LRP1: variants seen among roughly 807,000 people sequenced by gnomAD.
LRP1 encodes the protein prolow-density lipoprotein receptor-related protein 1.
In LRP1, 51 loss-of-function variants were observed where a neutral mutation model predicts 541.5. The ratio of observed to expected loss-of-function variants is 0.09; its 90% CI spans 0.08 to 0.12. The LOEUF is 0.12. Ranked by LOEUF, LRP1 falls within the 10% of genes least tolerant of loss-of-function variation. The pLI, the probability that LRP1 is intolerant of heterozygous loss-of-function variation, is 1.00. For missense variants in LRP1, 3,878 were observed against 6,376.2 expected (o/e 0.61, Z 13.34); for synonymous variants, 2,219 against 2,470.8 (o/e 0.90, Z 3.02).
chr12:57,180,599 C>A, intron 32 of LRP1, 68 bp from the exon 33 acceptor site: 1 of 1,609,400 alleles, frequency 6.2e-7, no homozygotes, highest in Non-Finnish European at 8.5e-7. Flanking sequence ...GACTTAGGGC[C>A]AATGGGCCCT....
intron 31 of LRP1, 28 bp from the exon 32 acceptor site, chr12:57,180,302 T>C (rs1271699206): frequency 6.2e-7 from 1 of 1,611,974 alleles, no homozygotes; most frequent in Non-Finnish European, 8.5e-7. Flanking sequence ...TGGGCCAGAC[T>C]CCCCGGCAGT....
In LRP1 at chr12:57,205,757, A is replaced by G. The variant is rs1012430588; in HGVS notation, c.11590+80A>G. On this transcript the variant is annotated intron_variant, in intron 75 of 88. Transcript: ENST00000243077. The surrounding 1 kb of genome is among the most constrained non-coding windows in gnomAD (Gnocchi z 4.6). ...TCAAACGGGGCCGACTTGGAATGGA[A>G]TGTCTTCCTGCGGACATCTTGCCCA... 1.9e-6 allele frequency: 3 copies of G among 1,569,014 alleles called. No homozygotes were observed. The highest frequency in any genetic ancestry group is 2.7e-5 in the African/African-American group (2 of 74,206).
At chr12:57,138,398 T>A in intron 1 of LRP1, 61 bp from the exon 2 acceptor site, 1 of 1,591,398 alleles carries the variant, frequency 6.3e-7, no homozygotes. Context: ...CTAGGGGACT[T>A]TGGGTTCACA....
rs1435902907 is a variant in LRP1 at position 57,165,605 on chromosome 12, G to C, written c.2531-200G>C. The C allele has an allele frequency of 1.7e-6, 1 of 589,100 alleles. No individual in the cohort carries two copies. Among genetic ancestry groups the C allele is most frequent in the Non-Finnish European group, 3.0e-6 (1 of 333,996 alleles). 36.5% of individuals were successfully genotyped at this position (589,100 alleles called of 1,614,324 possible). Reference sequence around the variant, plus strand: ...ACTGAAGTACAGTAAGCATTAAGTAGAGTAAACATCACTATTGTTGCTTGG... The same window carrying C: ...ACTGAAGTACAGTAAGCATTAAGTACAGTAAACATCACTATTGTTGCTTGG... On this transcript the variant is annotated intron_variant, in intron 15 of 88. Coordinates refer to ENST00000243077, the MANE Select transcript of LRP1 (RefSeq NM_002332.3). This position sits in a 1 kb window ranked among gnomAD's most constrained non-coding sequence, Gnocchi z 4.5.
chr12:57,129,903 C>T (rs1047759491), intron 1 of LRP1, among the ~76,000 whole-genome samples: 7 of 152,024 alleles, frequency 4.6e-5, no homozygotes, highest in Non-Finnish European at 1.5e-5. Flanking sequence ...TATGGCTGTG[C>T]CCCCACACTC....
chr12:57,132,464 C>T (rs2035056760), intron 1 of LRP1, among the ~76,000 whole-genome samples: 1 of 152,250 alleles, frequency 6.6e-6, no homozygotes, highest in East Asian at 1.9e-4. Flanking sequence ...TGCCTAGGGC[C>T]GAGACTCTGT....
intron 1 of LRP1, among the ~76,000 whole-genome samples, chr12:57,135,424 G>A (rs528405672): frequency 5.3e-5 from 8 of 152,302 alleles, no homozygotes; most frequent in African/African-American, 1.4e-4. Flanking sequence ...GTCCTACCCC[G>A]CTCCCAACTC....
chr12:57,201,321 T>C lies in LRP1; in HGVS notation c.10345+168T>C, dbSNP rs2036649550. Among the ~76,000 whole-genome samples the C allele has an allele frequency of 6.6e-6, 1 of 152,148 alleles. No individual in the cohort carries two copies. Among genetic ancestry groups the C allele is most frequent in the Admixed American group, 6.5e-5 (1 of 15,286 alleles). On this transcript the variant is annotated intron_variant, in intron 65 of 88. Coordinates refer to ENST00000243077, the MANE Select transcript of LRP1 (RefSeq NM_002332.3). The surrounding 1 kb of genome is among the most constrained non-coding windows in gnomAD (Gnocchi z 6.4). ...CTCATAAAAATCATCATGCATGATA[T>C]AGAGACATAGAGATCCAGAAAACAA...
At position 57,153,688 on chromosome 12, in the gene LRP1, G is replaced by T. The variant is rs1202971923; in HGVS notation, c.842-520G>T. Among the ~76,000 whole-genome samples the T allele has an allele frequency of 3.3e-5, 5 of 152,248 alleles. No individual in the cohort carries two copies. In the East Asian group the frequency reaches 9.7e-4, roughly 29 times the overall value. On this transcript the variant is annotated intron_variant, in intron 6 of 88. Coordinates refer to ENST00000243077, the MANE Select transcript of LRP1 (RefSeq NM_002332.3). ...GGATCTTCCCTTTGGCATCTCTGTA[G>T]AGTTCATATTTTGAAATACTTTTCT...
In LRP1 at chr12:57,143,700, G is replaced by T. The variant is rs374169041; in HGVS notation, c.350G>T (p.Arg117Leu). 47 of 1,613,886 alleles carry T rather than the reference G, an allele frequency of 2.9e-5. No homozygotes were observed. Among genetic ancestry groups the T allele is most frequent in the Non-Finnish European group, 3.8e-5 (45 of 1,179,908 alleles). ...ACAGAGCTCCAAGGCAACTGCTCTC[G>T]CCTGGGCTGCCAGCACCATTGTGTC... ...HCRELQGNCS[R>L]LGCQHHCVPT... The change falls in exon 4 of 89, where the codon CGC becomes CTC. Residue 117 changes from arginine (R) to leucine (L), a missense_variant. Coordinates refer to ENST00000243077, the MANE Select transcript of LRP1 (RefSeq NM_002332.3).
rs1265015847 is a variant in LRP1, at chr12:57,206,706, C to T, written c.11824C>T (p.Arg3942Trp). 2.5e-6 allele frequency: 4 copies of T among 1,613,246 alleles called. No homozygotes were observed. Among genetic ancestry groups the T allele is most frequent in the Non-Finnish European group, 3.4e-6 (4 of 1,180,028 alleles). Reference protein sequence around the residue: ...AAPPTTSNRHRRQIDRGVTHL... With the variant: ...AAPPTTSNRHWRQIDRGVTHL... Reference sequence around the variant, plus strand: ...GCCTCCTACCACTTCCAACCGCCACCGGCGACAGATTGACCGGGGTGTCAC... The same window carrying T: ...GCCTCCTACCACTTCCAACCGCCACTGGCGACAGATTGACCGGGGTGTCAC... Residue 3942 changes from arginine (R) to tryptophan (W), a missense_variant, in exon 76 of 89, where the codon CGG (arginine) becomes TGG (tryptophan). Coordinates refer to ENST00000243077, the MANE Select transcript of LRP1 (RefSeq NM_002332.3). The surrounding 1 kb of genome is among the most constrained non-coding windows in gnomAD (Gnocchi z 4.7).
Position 57,196,271 on chromosome 12 carries a change from C to T in LRP1, c.8886C>T (p.Gly2962=). ...AGGACTGTGAGGACCTCAAGATCGG[C>T]TTCAAGGTATGCCCAGCCCTGGGGA... ...CSQDCEDLKI[G]FKCRCRPGFR... Residue 2962 remains glycine, a synonymous_variant, in exon 55 of 89, where the codon GGC becomes GGT. Coordinates refer to ENST00000243077, the MANE Select transcript of LRP1 (RefSeq NM_002332.3). 1 of 1,586,116 alleles carries T rather than the reference C, an allele frequency of 6.3e-7. No individual in the cohort carries two copies. The highest frequency in any genetic ancestry group is 8.6e-7 in the Non-Finnish European group (1 of 1,162,002).
chr12:57,198,388 C>A (rs777311193), intron 59 of LRP1, 45 bp downstream of exon 59: 19 of 1,605,232 alleles, frequency 1.2e-5, no homozygotes, highest in Non-Finnish European at 1.4e-5. Flanking sequence ...AAGCAGCATC[C>A]AAGCCCAGCC....
rs932477085 is a variant in LRP1, at chr12:57,173,251, G to A, written c.3247G>A (p.Asp1083Asn). ...ATGCATCCCCCTGCGGTGGCGCTGCGATGGGGACACTGACTGCATGGACTC... is the reference window on the plus strand; with the variant it reads ...ATGCATCCCCCTGCGGTGGCGCTGCAATGGGGACACTGACTGCATGGACTC... ...GLCIPLRWRC[D>N]GDTDCMDSSD... Residue 1083 changes from aspartate to asparagine, a missense_variant, in exon 21 of 89, where the codon GAT becomes AAT. Coordinates refer to ENST00000243077, the MANE Select transcript of LRP1 (RefSeq NM_002332.3). This position sits in a 1 kb window ranked among gnomAD's most constrained non-coding sequence, Gnocchi z 4.7. 1.2e-6 allele frequency: 2 copies of A among 1,614,020 alleles called. No homozygotes were observed. Among genetic ancestry groups the A allele is most frequent in the Non-Finnish European group, 1.7e-6 (2 of 1,180,000 alleles).
At chr12:57,136,804 C>T in intron 1 of LRP1, among the ~76,000 whole-genome samples, 1 of 152,124 alleles carries the variant, frequency 6.6e-6, no homozygotes, top group East Asian at 1.9e-4. Flanking sequence ...TGACCCTGGC[C>T]AAGTCACCTG....
At chr12:57,188,213 C>G (rs1241770919) in intron 42 of LRP1, among the ~76,000 whole-genome samples, 1 of 152,180 alleles carries the variant, frequency 6.6e-6, no homozygotes, top group East Asian at 1.9e-4. Flanking sequence ...TCTGTTCTCC[C>G]GCAGGGGCAG....
At chr12:57,194,793 C>T in intron 50 of LRP1, 94 bp downstream of exon 50, 2 of 1,446,432 alleles carry the variant, frequency 1.4e-6, no homozygotes, top group South Asian at 1.3e-5. Flanking sequence ...AAAAGGGCAT[C>T]CAGAGCCTTC....
At chr12:57,182,779 G>T (rs2036191527) in intron 34 of LRP1, among the ~76,000 whole-genome samples, 3 of 152,222 alleles carry the variant, frequency 2.0e-5, no homozygotes, top group Middle Eastern at 3.4e-3. Context: ...TCGCGTCATT[G>T]TACTGCAGCC....
At position 57,158,289 on chromosome 12, in the gene LRP1, A is replaced by G. The variant is rs912467764; in HGVS notation, c.1562-113A>G. 1.1e-5 allele frequency: 9 copies of G among 838,304 alleles called. No homozygotes were observed. Among genetic ancestry groups the G allele is most frequent in the Non-Finnish European group, 3.8e-6 (2 of 520,290 alleles). 51.9% of individuals were successfully genotyped at this position (838,304 alleles called of 1,614,324 possible). A position where few individuals can be genotyped will look rare whatever the true frequency, so the allele number is the denominator to read the frequency against. ...ATCTGACCCAGAGCCTCGCATCCCT[A>G]ACGTCTCCTGACCCATCACAGCTAG... On this transcript the variant is annotated intron_variant, in intron 10 of 88. Transcript: ENST00000243077. The surrounding 1 kb of genome is among the most constrained non-coding windows in gnomAD (Gnocchi z 5.3).
Sources: allele counts gnomAD v4.1 joint callset (sites outside exome capture counted in the v4.1 genomes callset), GRCh38; gene constraint gnomAD v4.1.1; non-coding constraint Gnocchi (gnomAD v3.1); transcripts MANE v1.5; gene names NCBI Gene and HGNC (gene_info 2026-07-23, HGNC 2026-07-21).